The following STK32A variants were observed in gnomAD, a reference collection of about 807,000 sequenced individuals.
The protein encoded by STK32A is serine/threonine kinase 32A, also known as serine/threonine-protein kinase 32A.
A neutral mutation model predicts 53.2 loss-of-function variants in STK32A; 41 were observed. The ratio of observed to expected loss-of-function variants is 0.77; its 90% confidence interval spans 0.60 to 1.00. The LOEUF (loss-of-function observed/expected upper bound fraction) is 1.00, where lower values mean the gene tolerates loss of function less well. Ranked by LOEUF, STK32A falls within the 50% of genes least tolerant of loss-of-function variation. The pLI is 0.00. For missense variants in STK32A, 458 were observed against 485.8 expected (o/e 0.94, Z 0.54); for synonymous variants, 166 against 162.8 (o/e 1.02, Z -0.15).
intron 11 of STK32A, among the ~76,000 whole-genome samples, chr5:147,376,881 A>G (rs894286345): frequency 3.9e-5 from 6 of 152,162 alleles, no homozygotes; most frequent in East Asian, 1.9e-4. Flanking sequence ...GTGAACTGCA[A>G]ATAGTTTCTC....
chr5:147,322,113 A>T (rs1361901047), intron 4 of STK32A, among the ~76,000 whole-genome samples: 1 of 152,206 alleles, frequency 6.6e-6, no homozygotes, highest in Admixed American at 6.5e-5. Context: ...GAAGGCTTAC[A>T]TACCACATTG....
At chr5:147,335,467 A>T (rs1371044594) in intron 5 of STK32A, among the ~76,000 whole-genome samples, 1 of 152,124 alleles carries the variant, frequency 6.6e-6, no homozygotes, top group Non-Finnish European at 1.5e-5. Context: ...CCATGTGGCC[A>T]CTTCATCCTC....
intron 6 of STK32A, 145 bp from the exon 7 acceptor site, chr5:147,350,920 G>T: frequency 1.2e-5 from 8 of 656,712 alleles, no homozygotes; most frequent in Non-Finnish European, 1.4e-5. Flanking sequence ...AGAATTGTTG[G>T]TTTAAGACCA....
At chr5:147,331,406 T>C (rs1370461893) in intron 5 of STK32A, among the ~76,000 whole-genome samples, 3 of 152,172 alleles carry the variant, frequency 2.0e-5, no homozygotes, top group African/African-American at 7.2e-5. Context: ...GATTCAAATG[T>C]AGAATTACCT....
chr5:147,270,404 C>T (rs1331907344), intron 2 of STK32A, among the ~76,000 whole-genome samples: 1 of 151,414 alleles, frequency 6.6e-6, no homozygotes, highest in Admixed American at 6.6e-5. Flanking sequence ...GTTGTTGAGA[C>T]AGTCTCCCTA....
chr5:147,356,589 T>C (rs771777607), intron 7 of STK32A, among the ~76,000 whole-genome samples: 94 of 152,246 alleles, frequency 6.2e-4, no homozygotes, highest in Non-Finnish European at 3.8e-4. Context: ...TCTGCTAAAA[T>C]AGAAACCCAC....
chr5:147,394,177 G>C, the STK32A span: 1 of 1,573,980 alleles, frequency 6.4e-7, no homozygotes, highest in South Asian at 1.1e-5. Context: ...TGGCGGGTAG[G>C]GGGATGTGGG....
chr5:147,384,470 G>T lies in STK32A; in HGVS notation c.*487G>T. 6.6e-7 allele frequency: 1 copy of T among 1,503,764 alleles called. No individual in the cohort carries two copies. Among genetic ancestry groups the T allele is most frequent in the Non-Finnish European group, 8.9e-7 (1 of 1,120,352 alleles). The allele number at this position is 1,503,764 out of a possible 1,614,324, so 93.2% of individuals were successfully genotyped here. ...GAATGCCCCAGGCTACTTGGATAAA[G>T]ATAAGGAATTCTATCAGGGAGGCAT... is the stretch of plus-strand genomic sequence containing the variant. On this transcript the variant is annotated 3_prime_UTR_variant, in exon 13 of 13. Transcript: ENST00000397936.
At chr5:147,287,137 A>C (rs1004190866) in intron 4 of STK32A, among the ~76,000 whole-genome samples, 1 of 152,228 alleles carries the variant, frequency 6.6e-6, no homozygotes, top group Non-Finnish European at 1.5e-5. Flanking sequence ...ATGACTAGAC[A>C]TTAAGTGACT....
intron 4 of STK32A, among the ~76,000 whole-genome samples, chr5:147,286,153 T>C (rs533304555): frequency 2.0e-5 from 3 of 152,250 alleles, no homozygotes; most frequent in South Asian, 2.1e-4. Context: ...AGACTATTAT[T>C]CTAAGTGACG....
At chr5:147,250,492 A>G (rs1753938779) in intron 2 of STK32A, among the ~76,000 whole-genome samples, 1 of 152,214 alleles carries the variant, frequency 6.6e-6, no homozygotes, top group Admixed American at 6.5e-5. Flanking sequence ...CTCTTGTTGT[A>G]GTTCACTTAT....
intron 2 of STK32A, among the ~76,000 whole-genome samples, chr5:147,268,405 C>T (rs953151969): frequency 2.6e-5 from 4 of 152,042 alleles, no homozygotes; most frequent in African/African-American, 4.8e-5. Flanking sequence ...TACAGGTCTC[C>T]CTATGGCAGC....
chr5:147,320,690 G>A (rs1354868954), intron 4 of STK32A, among the ~76,000 whole-genome samples: 1 of 152,214 alleles, frequency 6.6e-6, no homozygotes, highest in African/African-American at 2.4e-5. Context: ...AAAGGCTTCT[G>A]TGAGAAGTGA....
chr5:147,294,491 T>C (rs919903513), intron 4 of STK32A, among the ~76,000 whole-genome samples: 2 of 152,078 alleles, frequency 1.3e-5, no homozygotes, highest in African/African-American at 4.8e-5. Flanking sequence ...ACTTCTTTTT[T>C]AGATTGGCAT....
At chr5:147,399,399 C>T in the STK32A span, 1 of 894,670 alleles carries the variant, frequency 1.1e-6, no homozygotes, top group Non-Finnish European at 1.6e-6. Flanking sequence ...GAACCTCACT[C>T]AGCAAGCTCG....
chr5:147,274,336 C>T (rs1256513080), intron 2 of STK32A, among the ~76,000 whole-genome samples: 4 of 152,186 alleles, frequency 2.6e-5, no homozygotes, highest in African/African-American at 9.6e-5. Flanking sequence ...TTTGCCCACA[C>T]TAAACCACTA....
chr5:147,395,638 G>A, the STK32A span: 23 of 1,614,036 alleles, frequency 1.4e-5, no homozygotes, highest in Middle Eastern at 3.3e-4. Context: ...CAGAGCCTGC[G>A]GGGGTGCCAC....
chr5:147,325,615 G>A (rs1273246211), intron 5 of STK32A, among the ~76,000 whole-genome samples: 1 of 152,154 alleles, frequency 6.6e-6, no homozygotes, highest in South Asian at 2.1e-4. Flanking sequence ...TTCTTTGGAA[G>A]GGCCTGCTTG....
At chr5:147,254,075 G>A (rs893061358) in intron 2 of STK32A, among the ~76,000 whole-genome samples, 6 of 152,074 alleles carry the variant, frequency 3.9e-5, no homozygotes, top group African/African-American at 1.4e-4. Flanking sequence ...ATCTGTGTCT[G>A]TGTGCAAATT....
Sources: allele counts gnomAD v4.1 joint callset (sites outside exome capture counted in the v4.1 genomes callset), GRCh38; gene constraint gnomAD v4.1.1; transcripts MANE v1.5; gene names NCBI Gene and HGNC (gene_info 2026-07-23, HGNC 2026-07-21).